VWA1: variants seen among roughly 807,000 people sequenced by gnomAD.
The protein encoded by VWA1 is von Willebrand factor A domain-containing protein 1.
In VWA1, 12 loss-of-function variants were observed where a neutral mutation model predicts 14.9. That is an observed-to-expected ratio of 0.80 (90% CI 0.52 to 1.30). The LOEUF (loss-of-function observed/expected upper bound fraction) is 1.30, where lower values mean the gene tolerates loss of function less well. VWA1 is among the 50% of genes most tolerant of loss of function. The pLI is 0.00. For synonymous variants in VWA1, 368 were observed against 310.7 expected (o/e 1.18, Z -1.94); for missense variants, 800 against 649.1 (o/e 1.23, Z -2.53).
At position 1,439,370 on chromosome 1, in the gene VWA1, G is replaced by A. The variant is rs759986184; in HGVS notation, c.921G>A (p.Gly307=). The A allele has an allele frequency of 1.1e-5, 16 of 1,516,470 alleles. No homozygotes were observed. Among genetic ancestry groups the A allele is most frequent in the Non-Finnish European group, 1.4e-5 (16 of 1,139,092 alleles). The allele number at this position is 1,516,470 out of a possible 1,614,324, so 93.9% of individuals were successfully genotyped here. ...TGCGCACGCGGCCCGGTGAGGCAGG[G>A]CCGGGGGCTTCGGGCCCGGAGTCGG... The part of the protein sequence containing the change: ...LRVRTRPGEA[G]PGASGPESGA... Residue 307 remains glycine, a synonymous_variant, in exon 3 of 3, where the codon GGG becomes GGA. Coordinates refer to ENST00000476993, the MANE Select transcript of VWA1 (RefSeq NM_022834.5).
chr1:1,435,693 C>A lies in VWA1; in HGVS notation c.-56C>A. On this transcript the variant is annotated 5_prime_UTR_variant, in exon 1 of 3. Transcript: ENST00000476993. The stretch of plus-strand genomic sequence containing the variant: ...TCCGCGCGGTGACGCGCCCTGCAGC[C>A]CCGAGCGAGCGAGCGAGCGAGCGAG... 1 of 1,152,704 alleles carries A rather than the reference C, an allele frequency of 8.7e-7. No individual in the cohort carries two copies. Among genetic ancestry groups the A allele is most frequent in the Non-Finnish European group, 1.1e-6 (1 of 930,838 alleles). 71.4% of individuals were successfully genotyped at this position (1,152,704 alleles called of 1,614,324 possible). A position where few individuals can be genotyped will look rare whatever the true frequency, so the allele number is the denominator to read the frequency against.
rs1038262629 is a variant in VWA1, at chr1:1,437,421, C to T, written c.568C>T (p.Leu190=). The change falls in exon 2 of 3, where the codon CTG becomes TTG. Residue 190 remains leucine, a synonymous_variant. Transcript: ENST00000476993. The part of the protein sequence containing the change: ...AAASAPAEKH[L]HFVDVDDLHI... ...TGCCTCAGCCCCTGCCGAGAAGCAC[C>T]TGCACTTTGTGGACGTGGATGACCT... 6.2e-7 allele frequency: 1 copy of T among 1,612,668 alleles called. No homozygotes were observed. Among genetic ancestry groups the T allele is most frequent in the Non-Finnish European group, 8.5e-7 (1 of 1,179,962 alleles).
Position 1,439,720 on chromosome 1 carries a change from G to A in VWA1, c.1271G>A (p.Gly424Asp). The change falls in exon 3 of 3, where the codon GGC (glycine) becomes GAC (aspartate). Residue 424 changes from glycine to aspartate, a missense_variant. Transcript: ENST00000476993. ...ALSAKACTPD[G>D]PRPRPRPVPR... is the part of the protein sequence containing the mutation. ...TCCGCCAAGGCCTGCACGCCCGACG[G>A]CCCGCGCCCGCGCCCACGCCCCGTG... 8.8e-7 allele frequency: 1 copy of A among 1,131,764 alleles called. No homozygotes were observed. The highest frequency in any genetic ancestry group is 1.1e-6 in the Non-Finnish European group (1 of 923,078). The allele number at this position is 1,131,764 out of a possible 1,614,324, so 70.1% of individuals were successfully genotyped here. A position where few individuals can be genotyped will look rare whatever the true frequency, so the allele number is the denominator to read the frequency against.
chr1:1,438,964 G>A (rs1570124418), intron 2 of VWA1, 117 bp from the exon 3 acceptor site: 6 of 1,428,452 alleles, frequency 4.2e-6, no homozygotes, highest in African/African-American at 1.5e-5. Flanking sequence ...TGGCCGCGGG[G>A]CCCCGTCTTT....
intron 2 of VWA1, among the ~76,000 whole-genome samples, chr1:1,438,368 G>A (rs1490830043): frequency 6.6e-6 from 1 of 152,230 alleles, no homozygotes; most frequent in Admixed American, 6.5e-5. Context: ...GCAGTGCCGA[G>A]GGGCCAGGCA....
intron 1 of VWA1, chr1:1,436,687 G>A (rs893666678): frequency 1.0e-5 from 5 of 481,742 alleles, no homozygotes; most frequent in African/African-American, 7.9e-5. Flanking sequence ...GCGGAGAGTC[G>A]CCCTCTCACA....
In VWA1 at chr1:1,437,522, G is replaced by A. The variant is rs562463728; in HGVS notation, c.631+38G>A. On this transcript the variant is annotated intron_variant, in intron 2 of 2. Coordinates refer to ENST00000476993, the MANE Select transcript of VWA1 (RefSeq NM_022834.5). ...AGGCAGGGCCCAGGGAGCCCTAGCT[G>A]GGAGCCGCAGAAGGAGAGGCTGGGT... The A allele has an allele frequency of 2.6e-5, 40 of 1,565,262 alleles. No individual in the cohort carries two copies. In the South Asian group the frequency reaches 4.6e-4, roughly 18 times the overall value.
chr1:1,438,298 C>T (rs148133216), intron 2 of VWA1, among the ~76,000 whole-genome samples: 4,994 of 152,202 alleles, frequency 0.033, 215 homozygotes, highest in African/African-American at 0.092. Flanking sequence ...AGTGCAGCTG[C>T]GCCTGGAGGG....
Position 1,436,960 on chromosome 1 carries a change from T to C in VWA1, c.107T>C (p.Met36Thr). 1.2e-6 allele frequency: 2 copies of C among 1,611,368 alleles called. No individual in the cohort carries two copies. The highest frequency in any genetic ancestry group is 1.7e-6 in the Non-Finnish European group (2 of 1,179,006). ...GCATCAGCCCCCCGAGGGGACCTGA[T>C]GTTCCTGCTGGACAGCTCAGCCAGC... ...PPASAPRGDL[M>T]FLLDSSASVS... Residue 36 changes from methionine (M) to threonine (T), a missense_variant, in exon 2 of 3, where the codon ATG becomes ACG. Transcript: ENST00000476993.
chr1:1,440,973 C>G lies in VWA1; in HGVS notation c.*1186C>G, dbSNP rs964879458. 1 of 152,176 alleles carries G rather than the reference C, an allele frequency of 6.6e-6. No individual in the cohort carries two copies. Among genetic ancestry groups the G allele is most frequent in the African/African-American group, 2.4e-5 (1 of 41,418 alleles). The allele number at this position is 152,176 out of a possible 1,614,324, so 9.4% of individuals were successfully genotyped here. On this transcript the variant is annotated 3_prime_UTR_variant, in exon 3 of 3. Transcript: ENST00000476993. ...TTGGAGCTGGGCCCAGGGCAGGTGG[C>G]TGGAATGCAGAGGACAAGGGGGCTG... is the stretch of plus-strand genomic sequence containing the variant.
chr1:1,438,189 C>T (rs1638586254), intron 2 of VWA1, among the ~76,000 whole-genome samples: 1 of 152,194 alleles, frequency 6.6e-6, no homozygotes, highest in Admixed American at 6.5e-5. Flanking sequence ...ATCATCCACC[C>T]AGAGCCGGAA....
rs745859864 is a variant in VWA1 at position 1,437,013 on chromosome 1, C to T, written c.160C>T (p.Arg54Trp). 14 of 1,612,434 alleles carry T rather than the reference C, an allele frequency of 8.7e-6. No individual in the cohort carries two copies. Among genetic ancestry groups the T allele is most frequent in the South Asian group, 2.2e-5 (2 of 91,036 alleles). The change falls in exon 2 of 3, where the codon CGG becomes TGG. Residue 54 changes from arginine (R) to tryptophan (W), a missense_variant. By Grantham distance (101) the Arg-to-Trp change is moderately radical. Coordinates refer to ENST00000476993, the MANE Select transcript of VWA1 (RefSeq NM_022834.5). ...CTCTCACTACGAGTTCTCCCGGGTT[C>T]GGGAGTTTGTGGGGCAGCTGGTGGC... is the stretch of plus-strand genomic sequence containing the variant. ...SVSHYEFSRV[R>W]EFVGQLVAPL...
Position 1,439,372 on chromosome 1 carries a change from C to T in VWA1, c.923C>T (p.Pro308Leu), listed in dbSNP as rs201042102. 2.0e-3 allele frequency: 2,978 copies of T among 1,507,766 alleles called. 54 individuals carry two copies. In the African/African-American group the frequency reaches 0.036, roughly 18 times the overall value. The allele number at this position is 1,507,766 out of a possible 1,614,324, so 93.4% of individuals were successfully genotyped here. Reference protein sequence around the residue: ...RVRTRPGEAGPGASGPESGAG... With the variant: ...RVRTRPGEAGLGASGPESGAG... ...CGCACGCGGCCCGGTGAGGCAGGGC[C>T]GGGGGCTTCGGGCCCGGAGTCGGGG... Residue 308 changes from proline (P) to leucine (L), a missense_variant, in exon 3 of 3, where the codon CCG becomes CTG. Transcript: ENST00000476993.
At chr1:1,436,822 G>A in intron 1 of VWA1, 105 bp from the exon 2 acceptor site, 2 of 1,208,810 alleles carry the variant, frequency 1.7e-6, no homozygotes, top group Non-Finnish European at 2.3e-6. Flanking sequence ...TTGGGAGAAG[G>A]CAAGCATCCA....
At position 1,442,590 on chromosome 1, in the gene VWA1, G is replaced by A. The variant is rs975563196; in HGVS notation, c.*2803G>A. Reference sequence around the variant, plus strand: ...TGCGTGCCAGACCAGTCCCTGACAGGTTGTGCGAGGCCCTTCGCTGGACAG... The same window carrying A: ...TGCGTGCCAGACCAGTCCCTGACAGATTGTGCGAGGCCCTTCGCTGGACAG... On this transcript the variant is annotated 3_prime_UTR_variant, in exon 3 of 3. Coordinates refer to ENST00000476993, the MANE Select transcript of VWA1 (RefSeq NM_022834.5). The A allele has an allele frequency of 2.0e-5, 3 of 152,336 alleles. No homozygotes were observed. Among genetic ancestry groups the A allele is most frequent in the African/African-American group, 4.8e-5 (2 of 41,484 alleles). 9.4% of individuals were successfully genotyped at this position (152,336 alleles called of 1,614,324 possible).
At position 1,439,093 on chromosome 1, in the gene VWA1, C is replaced by G. The variant is rs756326958; in HGVS notation, c.644C>G (p.Pro215Arg). Residue 215 changes from proline (P) to arginine (R), a missense_variant, in exon 3 of 3, where the codon CCG becomes CGG. Pro to Arg is a moderately radical substitution (Grantham distance 103). Transcript: ENST00000476993. ...GCACCACCCACAGACGCGATGCGGC[C>G]GCAGCAGCTCCATGCCACGGAGATC... ...LRGSILDAMR[P>R]QQLHATEITS... 8 of 1,598,462 alleles carry G rather than the reference C, an allele frequency of 5.0e-6. No individual in the cohort carries two copies. Among genetic ancestry groups the G allele is most frequent in the Admixed American group, 1.7e-5 (1 of 59,880 alleles).
intron 2 of VWA1, 60 bp downstream of exon 2, chr1:1,437,544 G>A: frequency 6.5e-7 from 1 of 1,540,786 alleles, no homozygotes; most frequent in Non-Finnish European, 8.7e-7. Context: ...AGGAGAGGCT[G>A]GGTTGAGACT....
chr1:1,435,953 G>A (rs1638529140), intron 1 of VWA1, 132 bp downstream of exon 1: 1 of 663,942 alleles, frequency 1.5e-6, no homozygotes, highest in Non-Finnish European at 1.9e-6. Flanking sequence ...AGCCGGGCGG[G>A]GGCGCGGGCG....
At chr1:1,435,911 C>A in intron 1 of VWA1, 90 bp downstream of exon 1, 1 of 754,072 alleles carries the variant, frequency 1.3e-6, no homozygotes, top group Non-Finnish European at 1.6e-6. Flanking sequence ...GTCCCCTGCT[C>A]CGGACGGGCG....
Sources: gnomAD v4.1 joint callset for allele counts (sites outside exome capture counted in the v4.1 genomes callset) on GRCh38, gnomAD v4.1.1 for gene constraint, MANE v1.5 for transcripts, NCBI Gene and HGNC (gene_info 2026-07-23, HGNC 2026-07-21) for gene names.